RPL18: variants seen among roughly 807,000 people sequenced by gnomAD.
The protein encoded by RPL18 is ribosomal protein L18, also known as large ribosomal subunit protein eL18.
RPL18 carries 4 observed loss-of-function variants against 25.0 expected under a neutral mutation model. The observed-to-expected ratio is 0.16, with a 90% CI of 0.08 to 0.37. The LOEUF (loss-of-function observed/expected upper bound fraction) is 0.37, where lower values mean the gene tolerates loss of function less well. RPL18 is among the 10% of genes least tolerant of loss of function. The pLI is 1.00. For synonymous variants in RPL18, 129 were observed against 101.6 expected (o/e 1.27, Z -1.62); for missense variants, 179 against 267.9 (o/e 0.67, Z 2.32).
chr19:48,615,882 G>A lies in RPL18; in HGVS notation c.486C>T (p.His162=), dbSNP rs774517554. 3 of 1,610,556 alleles carry A rather than the reference G, an allele frequency of 1.9e-6. No homozygotes were observed. In the East Asian group the frequency reaches 6.7e-5, roughly 36 times the overall value. The change falls in exon 6 of 7, where the codon CAC becomes CAT. Residue 162 remains histidine, a synonymous_variant. Coordinates refer to ENST00000549920, the MANE Select transcript of RPL18 (RefSeq NM_000979.4). The part of the protein sequence containing the change: ...FGKAPGTPHS[H]TKPYVRSKGR... ...GCTGGGGGCCTGATACTCACTTGGTGTGGCTGTGCGGGGTTCCTGGGGCCT... is the reference window on the plus strand; with the variant it reads ...GCTGGGGGCCTGATACTCACTTGGTATGGCTGTGCGGGGTTCCTGGGGCCT...
At position 48,618,744 on chromosome 19, in the gene RPL18, T is replaced by C. The variant is rs563270336; in HGVS notation, c.3+397A>G. On this transcript the variant is annotated intron_variant, in intron 1 of 6. Transcript: ENST00000549920. Reference sequence around the variant, plus strand: ...CTGCCTGGTCCCCAAATCCAGTTATTCGGCTCTCGATCCTCTCACCCGCCG... The same window carrying C: ...CTGCCTGGTCCCCAAATCCAGTTATCCGGCTCTCGATCCTCTCACCCGCCG... 11 of 256,700 alleles carry C rather than the reference T, an allele frequency of 4.3e-5. No homozygotes were observed. In the East Asian group the frequency reaches 1.1e-3, roughly 25 times the overall value. 15.9% of individuals were successfully genotyped at this position (256,700 alleles called of 1,614,324 possible). A position where few individuals can be genotyped will look rare whatever the true frequency, so the allele number is the denominator to read the frequency against.
intron 6 of RPL18, 85 bp downstream of exon 6, chr19:48,615,792 A>C: frequency 8.2e-7 from 1 of 1,221,772 alleles, no homozygotes; most frequent in Non-Finnish European, 1.2e-6. Flanking sequence ...GGTACGAGGG[A>C]TAGGAGAAGC....
intron 6 of RPL18, 122 bp downstream of exon 6, chr19:48,615,753 TGA>T (rs1218226277): frequency 1.2e-6 from 1 of 855,180 alleles, no homozygotes; most frequent in East Asian, 2.6e-5. Flanking sequence ...ATGAGGCAGC[TGA>T]GAGTTCCAGA....
Position 48,619,161 on chromosome 19 carries a change from G to A in RPL18, c.-18C>T, listed in dbSNP as rs368395913. ...CTCACCATGATGGCGCCTCCTGCTC[G>A]GCCAGGTCCGGAAAGAGAGAACGGG... is the stretch of plus-strand genomic sequence containing the variant. On this transcript the variant is annotated 5_prime_UTR_variant, in exon 1 of 7. Coordinates refer to ENST00000549920, the MANE Select transcript of RPL18 (RefSeq NM_000979.4). 8.2e-6 allele frequency: 13 copies of A among 1,588,068 alleles called. No individual in the cohort carries two copies. The East Asian group carries it at 1.4e-4, about 17-fold the overall frequency.
chr19:48,616,671 G>A (rs1974182819), intron 4 of RPL18, 55 bp downstream of exon 4: 1 of 1,224,690 alleles, frequency 8.2e-7, no homozygotes, highest in Non-Finnish European at 1.2e-6. Flanking sequence ...GCACAGCACA[G>A]CACAGCACAG....
At position 48,616,735 on chromosome 19, in the gene RPL18, G is replaced by C. The variant is rs1250342573; in HGVS notation, c.288C>G (p.Pro96=). The change falls in exon 4 of 7, where the codon CCC becomes CCG. Residue 96 remains proline (P), a synonymous_variant. Transcript: ENST00000549920. The part of the protein sequence containing the change: ...ITDDVRVQEV[P]KLKVCALRVT... ...GCCCCCGCCAGCTCACCTTCAGTTT[G>C]GGTACCTCCTGAACCCGCACATCAT... 1 of 1,611,480 alleles carries C rather than the reference G, an allele frequency of 6.2e-7. No individual in the cohort carries two copies. Among genetic ancestry groups the C allele is most frequent in the Non-Finnish European group, 8.5e-7 (1 of 1,177,686 alleles).
In RPL18 at chr19:48,617,864, C is replaced by A. The variant is rs753278830; in HGVS notation, c.17G>T (p.Arg6Leu). 4 of 1,613,848 alleles carry A rather than the reference C, an allele frequency of 2.5e-6. No homozygotes were observed. Among genetic ancestry groups the A allele is most frequent in the African/African-American group, 1.3e-5 (1 of 75,022 alleles). Reference sequence around the variant, plus strand: ...CCGAACCTTTCGGTCCTTGTTATGGCGGATGTCCACTCCCTGTGGGGGTGA... The same window carrying A: ...CCGAACCTTTCGGTCCTTGTTATGGAGGATGTCCACTCCCTGTGGGGGTGA... The part of the protein sequence containing the change: MGVDI[R>L]HNKDRKVRRK... Residue 6 changes from arginine to leucine, a missense_variant, in exon 2 of 7, where the codon CGC (arginine) becomes CTC (leucine). Physicochemically the swap from Arg to Leu is moderately radical, Grantham distance 102 (BLOSUM62 -2). Coordinates refer to ENST00000549920, the MANE Select transcript of RPL18 (RefSeq NM_000979.4).
chr19:48,616,643 C>CCAGCACAGCACAGCA lies in RPL18; in HGVS notation c.297+68_297+82dup, dbSNP rs58972118. The CCAGCACAGCACAGCA allele has an allele frequency of 0.08, 74,232 of 928,472 alleles. 3,813 individuals carry two copies. The highest frequency in any genetic ancestry group is 0.088 in the South Asian group (6,648 of 75,446). The allele number at this position is 928,472 out of a possible 1,614,324, so 57.5% of individuals were successfully genotyped here. On this transcript the variant is annotated intron_variant, in intron 4 of 6. Coordinates refer to ENST00000549920, the MANE Select transcript of RPL18 (RefSeq NM_000979.4). ...CAGCGGTGGCAAGACTGAGGATGGA[C>CCAGCACAGCACAGCA]CAGCACAGCACAGCACAGCACAGCA...
At chr19:48,615,846 G>T (rs1407964256) in intron 6 of RPL18, 31 bp downstream of exon 6, 1 of 1,579,488 alleles carries the variant, frequency 6.3e-7, no homozygotes, top group South Asian at 1.1e-5. Context: ...TGAGTCTGGG[G>T]AGAGGGCAGG....
At position 48,616,851 on chromosome 19, in the gene RPL18, A is replaced by G. The variant is rs1282653571; in HGVS notation, c.199-27T>C. 2.6e-6 allele frequency: 4 copies of G among 1,560,880 alleles called. No individual in the cohort carries two copies. The Admixed American group carries it at 6.7e-5, about 26-fold the overall frequency. On this transcript the variant is annotated intron_variant, in intron 3 of 6. Coordinates refer to ENST00000549920, the MANE Select transcript of RPL18 (RefSeq NM_000979.4). Reference sequence around the variant, plus strand: ...TTAGGGTGGGGAGGATGTACGTCGTAAGTTGTTCTGGTGTTTACATTCAGC... The same window carrying G: ...TTAGGGTGGGGAGGATGTACGTCGTGAGTTGTTCTGGTGTTTACATTCAGC...
At chr19:48,619,073 C>A (rs1333479809) in intron 1 of RPL18, 68 bp downstream of exon 1, 6 of 1,556,028 alleles carry the variant, frequency 3.9e-6, no homozygotes, top group Non-Finnish European at 4.4e-6. Context: ...CTCCAGCGTG[C>A]CCCTAGCCCA....
At chr19:48,615,576 G>A (rs866326246) in intron 6 of RPL18, 129 bp from the exon 7 acceptor site, 3 of 811,046 alleles carry the variant, frequency 3.7e-6, no homozygotes, top group African/African-American at 3.4e-5. Context: ...GCTTGGCAGA[G>A]TGGGAAGCCA....
Position 48,616,672 on chromosome 19 carries a change from CACAGCACAGT to C in RPL18, c.297+44_297+53del, listed in dbSNP as rs745740053. On this transcript the variant is annotated intron_variant, in intron 4 of 6. Coordinates refer to ENST00000549920, the MANE Select transcript of RPL18 (RefSeq NM_000979.4). ...CACAGCACAGCACAGCACAGCACAGCACAGCACAGTACAGCAAGGGTCTGATGGGTCTGCC... is the reference window on the plus strand; with the variant it reads ...CACAGCACAGCACAGCACAGCACAGCACAGCAAGGGTCTGATGGGTCTGCC... 30 of 1,227,198 alleles carry C rather than the reference CACAGCACAGT, an allele frequency of 2.4e-5. 1 individual carries two copies. Among genetic ancestry groups the C allele is most frequent in the Middle Eastern group, 1.9e-4 (1 of 5,270 alleles). 76.0% of individuals were successfully genotyped at this position (1,227,198 alleles called of 1,614,324 possible).
At chr19:48,618,056 T>G in intron 1 of RPL18, 179 bp from the exon 2 acceptor site, 1 of 563,816 alleles carries the variant, frequency 1.8e-6, no homozygotes, top group Non-Finnish European at 3.2e-6. Context: ...AAGGGGCTGT[T>G]TACAAAGCCT....
rs749030183 is a variant in RPL18, at chr19:48,615,436, C to A, written c.503G>T (p.Arg168Leu). 4 of 1,612,728 alleles carry A rather than the reference C, an allele frequency of 2.5e-6. No homozygotes were observed. Among genetic ancestry groups the A allele is most frequent in the Non-Finnish European group, 3.4e-6 (4 of 1,179,348 alleles). Residue 168 changes from arginine (R) to leucine (L), a missense_variant, in exon 7 of 7, where the codon CGC becomes CTC. Coordinates refer to ENST00000549920, the MANE Select transcript of RPL18 (RefSeq NM_000979.4). ...ACGCTCGAACTTCCGGCCCTTGGAG[C>A]GGACGTAGGGTCTGTGGGGAGAGGA... ...TPHSHTKPYV[R>L]SKGRKFERAR... is the part of the protein sequence containing the mutation.
chr19:48,616,848 C>A (rs565922930), intron 3 of RPL18, 24 bp from the exon 4 acceptor site: 2 of 1,570,906 alleles, frequency 1.3e-6, no homozygotes, highest in Admixed American at 1.7e-5. Context: ...GGATGTACGT[C>A]GTAAGTTGTT....
chr19:48,618,057 T>TA (rs1046837100), intron 1 of RPL18, 180 bp from the exon 2 acceptor site: 1 of 563,478 alleles, frequency 1.8e-6, no homozygotes, highest in African/African-American at 1.9e-5. Flanking sequence ...AGGGGCTGTT[T>TA]ACAAAGCCTT....
At chr19:48,617,278 C>T in intron 3 of RPL18, 38 bp downstream of exon 3, 1 of 1,507,372 alleles carries the variant, frequency 6.6e-7, no homozygotes, top group Non-Finnish European at 9.2e-7. Flanking sequence ...GACCCAGCGG[C>T]TCCCAGGTCT....
In RPL18 at chr19:48,616,834, G is replaced by A. The variant is rs1411169564; in HGVS notation, c.199-10C>T. The A allele has an allele frequency of 6.2e-7, 1 of 1,602,496 alleles. No individual in the cohort carries two copies. The highest frequency in any genetic ancestry group is 2.2e-5 in the East Asian group (1 of 44,826). ...GCTTCATCTTCCGGATCTTAGGGTG[G>A]GGAGGATGTACGTCGTAAGTTGTTC... On this transcript the variant is annotated splice_polypyrimidine_tract_variant and intron_variant, in intron 3 of 6. Coordinates refer to ENST00000549920, the MANE Select transcript of RPL18 (RefSeq NM_000979.4).
Sources: allele counts gnomAD v4.1 joint callset, GRCh38; gene constraint gnomAD v4.1.1; transcripts MANE v1.5; gene names NCBI Gene and HGNC (gene_info 2026-07-23, HGNC 2026-07-21).